Variants in ARRDC3 observed in about 807,000 individuals in gnomAD.
The protein encoded by ARRDC3 is arrestin domain containing 3, also known as arrestin domain-containing protein 3.
ARRDC3 carries 10 observed loss-of-function variants against 47.2 expected under a neutral mutation model. The ratio of observed to expected loss-of-function variants is 0.21; its 90% CI spans 0.13 to 0.36. ARRDC3 has a LOEUF of 0.36. Ranked by LOEUF, ARRDC3 falls within the 10% of genes least tolerant of loss-of-function variation. The probability of loss-of-function intolerance (pLI) is 1.00; values close to 1 mark genes in which losing one functional copy is unlikely to be tolerated. For synonymous variants in ARRDC3, 156 were observed against 178.3 expected (o/e 0.87, Z 1.00); for missense variants, 381 against 503.6 (o/e 0.76, Z 2.33).
chr5:91,371,504 T>C (rs1300579067), intron 7 of ARRDC3, 48 bp from the exon 8 acceptor site: 2 of 1,452,988 alleles, frequency 1.4e-6, no homozygotes, highest in Non-Finnish European at 1.9e-6. Context: ...TCATGAGGTC[T>C]AGGAAGAATG....
chr5:91,379,167 T>C (rs1370080634), intron 1 of ARRDC3, among the ~76,000 whole-genome samples: 1 of 151,974 alleles, frequency 6.6e-6, no homozygotes, highest in African/African-American at 2.4e-5. Context: ...AAGACTATAA[T>C]GTATCAAAGA....
intron 4 of ARRDC3, 89 bp downstream of exon 4, chr5:91,375,422 T>TAAACA: frequency 1.1e-6 from 1 of 950,202 alleles, no homozygotes. Flanking sequence ...GAATACTATA[T>TAAACA]TATGTTTATA....
intron 1 of ARRDC3, among the ~76,000 whole-genome samples, chr5:91,381,239 T>G (rs563450565): frequency 1.1e-4 from 16 of 152,188 alleles, no homozygotes; most frequent in Non-Finnish European, 2.1e-4. Flanking sequence ...GGCATTTAGT[T>G]TTCTTTACCA....
At chr5:91,375,254 G>T in intron 4 of ARRDC3, 76 bp from the exon 5 acceptor site, 1 of 1,452,550 alleles carries the variant, frequency 6.9e-7, no homozygotes, top group Non-Finnish European at 9.3e-7. Context: ...TAAAGCTAAA[G>T]TAAGAAAGTG....
intron 1 of ARRDC3, chr5:91,379,845 G>A (rs1799401142): frequency 6.6e-6 from 1 of 151,920 alleles, no homozygotes. Context: ...GATATTAAAC[G>A]AGAAAAAGGG....
Position 91,369,123 on chromosome 5 carries a change from T to C in ARRDC3, c.*2277A>G, listed in dbSNP as rs779221717. 9 of 152,602 alleles carry C rather than the reference T, an allele frequency of 5.9e-5. No individual in the cohort carries two copies. Among genetic ancestry groups the C allele is most frequent in the Non-Finnish European group, 1.2e-4 (8 of 68,030 alleles). 9.5% of individuals were successfully genotyped at this position (152,602 alleles called of 1,614,324 possible). A position where few individuals can be genotyped will look rare whatever the true frequency, so the allele number is the denominator to read the frequency against. On this transcript the variant is annotated 3_prime_UTR_variant, in exon 8 of 8. Transcript: ENST00000265138. Reference sequence around the variant, plus strand: ...ATAAAGTTTTATACATTTAAAGTTTTATCACATTTTGTGATCCAGTGCCAA... The same window carrying C: ...ATAAAGTTTTATACATTTAAAGTTTCATCACATTTTGTGATCCAGTGCCAA...
intron 2 of ARRDC3, among the ~76,000 whole-genome samples, 154 bp from the exon 3 acceptor site, chr5:91,376,922 T>C (rs1799317677): frequency 6.6e-6 from 1 of 152,228 alleles, no homozygotes; most frequent in African/African-American, 2.4e-5. Context: ...GATAAGTCAC[T>C]GGGGAAAAAA....
chr5:91,379,875 T>C (rs1048255826), intron 1 of ARRDC3: 1 of 152,182 alleles, frequency 6.6e-6, no homozygotes, highest in African/African-American at 2.4e-5. Flanking sequence ...CATGTATACG[T>C]CGATACTTTC....
intron 1 of ARRDC3, among the ~76,000 whole-genome samples, chr5:91,381,274 A>G (rs774383771): frequency 3.3e-5 from 5 of 152,176 alleles, no homozygotes; most frequent in Non-Finnish European, 7.3e-5. Flanking sequence ...AACTAATGAA[A>G]TTATATTTGT....
At chr5:91,380,301 C>G (rs1799420095) in intron 1 of ARRDC3, 1 of 153,110 alleles carries the variant, frequency 6.5e-6, no homozygotes, top group African/African-American at 2.4e-5. Flanking sequence ...CCCGCGCAAC[C>G]TAGCCTGCTG....
rs754855493 is a variant in ARRDC3 at position 91,378,702 on chromosome 5, A to G, written c.354T>C (p.Leu118=). The G allele has an allele frequency of 6.3e-7, 1 of 1,583,004 alleles. No individual in the cohort carries two copies. Among genetic ancestry groups the G allele is most frequent in the Non-Finnish European group, 8.6e-7 (1 of 1,160,492 alleles). ...GRHEYAFSFE[L]PQTPLATSFE... The stretch of plus-strand genomic sequence containing the variant: ...TTATTTATAATACTTACGTCTGTGG[A>G]AGCTCGAAGCTGAATGCATATTCAT... The change falls in exon 2 of 8, where the codon CTT becomes CTC. Residue 118 remains leucine, a synonymous_variant. Transcript: ENST00000265138.
At chr5:91,381,667 A>C (rs933691365) in intron 1 of ARRDC3, among the ~76,000 whole-genome samples, 5 of 152,240 alleles carry the variant, frequency 3.3e-5, no homozygotes, top group African/African-American at 1.2e-4. Flanking sequence ...ATAAAAAATA[A>C]GGTAAAATAT....
At chr5:91,372,240 A>C (rs1799195164) in intron 7 of ARRDC3, among the ~76,000 whole-genome samples, 1 of 152,216 alleles carries the variant, frequency 6.6e-6, no homozygotes, top group Non-Finnish European at 1.5e-5. Context: ...ACTTGCATCT[A>C]AATGTGGAAC....
chr5:91,378,326 A>G (rs1025963712), intron 2 of ARRDC3, among the ~76,000 whole-genome samples: 1 of 152,090 alleles, frequency 6.6e-6, no homozygotes, highest in Non-Finnish European at 1.5e-5. Flanking sequence ...TTATAAATTG[A>G]AGCTACTAAG....
intron 7 of ARRDC3, among the ~76,000 whole-genome samples, chr5:91,373,095 C>A (rs1799217048): frequency 6.6e-6 from 1 of 152,166 alleles, no homozygotes; most frequent in African/African-American, 2.4e-5. Context: ...TGCATTTTAT[C>A]ACATTATTAC....
intron 1 of ARRDC3, among the ~76,000 whole-genome samples, chr5:91,381,782 T>C (rs1181006752): frequency 6.6e-6 from 1 of 152,160 alleles, no homozygotes; most frequent in African/African-American, 2.4e-5. Context: ...TATATTCTTC[T>C]TGGGCTAGGA....
chr5:91,374,201 G>T lies in ARRDC3; in HGVS notation c.946C>A (p.Pro316Thr). 1 of 1,613,926 alleles carries T rather than the reference G, an allele frequency of 6.2e-7. No homozygotes were observed. The highest frequency in any genetic ancestry group is 8.5e-7 in the Non-Finnish European group (1 of 1,179,864). The change falls in exon 6 of 8, where the codon CCA (proline) becomes ACA (threonine). Residue 316 changes from proline (P) to threonine (T), a missense_variant. Physicochemically the swap from Pro to Thr is conservative, Grantham distance 38. Coordinates refer to ENST00000265138, the MANE Select transcript of ARRDC3 (RefSeq NM_020801.4). Reference sequence around the variant, plus strand: ...ACACTTGAGGTTCTGCTACCAAATGGATGTAGAGGAATGGTACCGATGACA... The same window carrying T: ...ACACTTGAGGTTCTGCTACCAAATGTATGTAGAGGAATGGTACCGATGACA... Reference protein sequence around the residue: ...PLVIGTIPLHPFGSRTSSVSS... With the variant: ...PLVIGTIPLHTFGSRTSSVSS...
rs370686378 is a variant in ARRDC3 at position 91,371,377 on chromosome 5, A to T, written c.*23T>A. On this transcript the variant is annotated 3_prime_UTR_variant, in exon 8 of 8. Coordinates refer to ENST00000265138, the MANE Select transcript of ARRDC3 (RefSeq NM_020801.4). ...GAGATACAGTTCGGAACCCACATCA[A>T]CTTGATTCAACCAAGTGTTCCTTCA... is the stretch of plus-strand genomic sequence containing the variant. 7.8e-5 allele frequency: 125 copies of T among 1,602,572 alleles called. 1 individual carries two copies. The highest frequency in any genetic ancestry group is 1.5e-4 in the African/African-American group (11 of 74,662).
intron 1 of ARRDC3, among the ~76,000 whole-genome samples, chr5:91,381,841 A>T (rs1172121734): frequency 6.6e-6 from 1 of 152,214 alleles, no homozygotes; most frequent in African/African-American, 2.4e-5. Context: ...TGCTGAGAGC[A>T]GAACAAGCGC....
Sources: allele counts gnomAD v4.1 joint callset (sites outside exome capture counted in the v4.1 genomes callset), GRCh38; gene constraint gnomAD v4.1.1; transcripts MANE v1.5; gene names NCBI Gene and HGNC (gene_info 2026-07-23, HGNC 2026-07-21).